Variants in GALNT13 observed in about 807,000 individuals in gnomAD.
GALNT13 encodes polypeptide N-acetylgalactosaminyltransferase 13.
Under a neutral mutation model 64.2 loss-of-function variants are expected in GALNT13, and 28 were observed. The ratio of observed to expected loss-of-function variants is 0.44; its 90% CI spans 0.32 to 0.60. The LOEUF (loss-of-function observed/expected upper bound fraction) is 0.60. GALNT13 is among the 20% of genes least tolerant of loss of function. The pLI is 0.05. For missense variants in GALNT13, 577 were observed against 669.8 expected (o/e 0.86, Z 1.53); for synonymous variants, 214 against 224.6 (o/e 0.95, Z 0.42).
the GALNT13 span, among the ~76,000 whole-genome samples, chr2:153,606,459 C>T: frequency 6.6e-6 from 1 of 152,020 alleles, no homozygotes; most frequent in East Asian, 1.9e-4. Flanking sequence ...AATGCAAATT[C>T]GTAAACTTTC....
At chr2:153,319,938 G>A in the GALNT13 span, among the ~76,000 whole-genome samples, 1 of 152,050 alleles carries the variant, frequency 6.6e-6, no homozygotes, top group African/African-American at 2.4e-5. Flanking sequence ...TGGAAGGGGA[G>A]ACCAACCATA....
At chr2:153,631,655 G>GTTAT in the GALNT13 span, among the ~76,000 whole-genome samples, 2 of 151,716 alleles carry the variant, frequency 1.3e-5, no homozygotes, top group Non-Finnish European at 2.9e-5. Flanking sequence ...TGTTGATGGG[G>GTTAT]TTGTTTTTTT....
intron 4 of GALNT13, among the ~76,000 whole-genome samples, chr2:154,167,936 T>C (rs1462610655): frequency 6.6e-6 from 1 of 151,932 alleles, no homozygotes; most frequent in Non-Finnish European, 1.5e-5. Flanking sequence ...CTGACCAGAG[T>C]AAAGAGTATT....
At chr2:153,956,977 A>G (rs1692611444) in intron 3 of GALNT13, among the ~76,000 whole-genome samples, 2 of 152,198 alleles carry the variant, frequency 1.3e-5, no homozygotes, top group East Asian at 1.9e-4. Context: ...AACCATTTTA[A>G]AGCCTATATC....
chr2:153,720,219 A>C, the GALNT13 span, among the ~76,000 whole-genome samples: 6 of 145,846 alleles, frequency 4.1e-5, no homozygotes, highest in Middle Eastern at 3.4e-3. Flanking sequence ...CTCACACGGC[A>C]GGGTATTCCA....
chr2:154,103,698 T>G (rs565099123), intron 3 of GALNT13, among the ~76,000 whole-genome samples: 120 of 152,172 alleles, frequency 7.9e-4, no homozygotes, highest in Non-Finnish European at 2.9e-4. Flanking sequence ...ATGTTATATA[T>G]GAGCGTTTGG....
the GALNT13 span, among the ~76,000 whole-genome samples, chr2:153,182,622 A>G: frequency 5.9e-5 from 9 of 152,114 alleles, no homozygotes; most frequent in African/African-American, 1.9e-4. Context: ...CCCCTGACTG[A>G]CAGGTCCCAG....
intron 9 of GALNT13, among the ~76,000 whole-genome samples, chr2:154,313,080 A>G (rs1294242179): frequency 6.6e-6 from 1 of 151,798 alleles, no homozygotes; most frequent in Non-Finnish European, 1.5e-5. Context: ...AACTTTGATT[A>G]GCATTTCAAC....
intron 2 of GALNT13, among the ~76,000 whole-genome samples, chr2:153,914,599 T>C (rs904141276): frequency 2.6e-5 from 4 of 152,192 alleles, no homozygotes; most frequent in African/African-American, 9.7e-5. Context: ...TAGTTAGGTT[T>C]TTAATTTTTA....
rs117325830 is a variant in GALNT13, at chr2:154,256,986, C to T, written c.858-2035C>T. Among the ~76,000 whole-genome samples the T allele has an allele frequency of 1.4e-4, 21 of 152,174 alleles. No homozygotes were observed. The East Asian group carries it at 2.3e-3, about 17-fold the overall frequency. On this transcript the variant is annotated intron_variant, in intron 7 of 12. Transcript: ENST00000392825. ...ACAGGGCAGTTAACTTAGAACAGAA[C>T]GTGTTGCATAACATTGGCTATGGCT...
At chr2:153,813,588 A>G in the GALNT13 span, among the ~76,000 whole-genome samples, 19 of 152,198 alleles carry the variant, frequency 1.2e-4, 1 homozygote, top group South Asian at 8.3e-4. Context: ...AATTATTAGA[A>G]AAGACCTCAG....
At chr2:153,675,068 AG>A in the GALNT13 span, among the ~76,000 whole-genome samples, 1 of 152,230 alleles carries the variant, frequency 6.6e-6, no homozygotes, top group Admixed American at 6.5e-5. Context: ...GAGGATATGG[AG>A]AAACAGGAAT....
chr2:154,207,623 T>G (rs1187769224), intron 4 of GALNT13, among the ~76,000 whole-genome samples: 1 of 152,176 alleles, frequency 6.6e-6, no homozygotes, highest in East Asian at 1.9e-4. Context: ...TGTTAAGCAC[T>G]CAGTAATGTG....
At chr2:153,875,182 T>C (rs1412869574) in intron 1 of GALNT13, among the ~76,000 whole-genome samples, 1 of 152,004 alleles carries the variant, frequency 6.6e-6, no homozygotes, top group African/African-American at 2.4e-5. Flanking sequence ...CCTGGAAACA[T>C]AATGCCTCCT....
At chr2:153,192,537 C>A in the GALNT13 span, among the ~76,000 whole-genome samples, 2 of 152,034 alleles carry the variant, frequency 1.3e-5, no homozygotes, top group African/African-American at 4.8e-5. Context: ...CAGTTTAAAT[C>A]CAATGTTTCT....
At chr2:153,141,018 A>C in the GALNT13 span, among the ~76,000 whole-genome samples, 2 of 149,716 alleles carry the variant, frequency 1.3e-5, no homozygotes, top group Non-Finnish European at 3.0e-5. Flanking sequence ...GTTGCTGTCC[A>C]TTCTACCACT....
the GALNT13 span, among the ~76,000 whole-genome samples, chr2:153,506,721 T>C: frequency 3.9e-5 from 6 of 152,228 alleles, no homozygotes; most frequent in East Asian, 1.9e-4. Flanking sequence ...GTTACTCTTA[T>C]AGGTTTTCCT....
At chr2:153,304,660 G>T in the GALNT13 span, among the ~76,000 whole-genome samples, 1 of 152,120 alleles carries the variant, frequency 6.6e-6, no homozygotes, top group Admixed American at 6.5e-5. Context: ...GGAGAGGGAG[G>T]TGTTAAATAC....
At chr2:154,095,482 G>T (rs968932192) in intron 3 of GALNT13, among the ~76,000 whole-genome samples, 1 of 151,826 alleles carries the variant, frequency 6.6e-6, no homozygotes, top group Non-Finnish European at 1.5e-5. Flanking sequence ...AACAAAGAAA[G>T]GTCAAGAACC....
Sources: allele counts gnomAD v4.1 joint callset (sites outside exome capture counted in the v4.1 genomes callset), GRCh38; gene constraint gnomAD v4.1.1; transcripts MANE v1.5; gene names NCBI Gene and HGNC (gene_info 2026-07-23, HGNC 2026-07-21).